The following DET1 variants were observed in gnomAD, a reference collection of about 807,000 sequenced individuals.
DET1 encodes DET1 partner of COP1 E3 ubiquitin ligase, also known as DET1 homolog.
DET1 carries 22 observed loss-of-function variants against 43.7 expected under a neutral mutation model. The observed-to-expected ratio is 0.50, with a 90% confidence interval of 0.36 to 0.72. DET1 has a LOEUF of 0.72. Among genes scored for constraint, DET1 ranks in the 30% least tolerant of loss-of-function variants. The pLI is 0.00. For synonymous variants in DET1, 315 were observed against 266.2 expected (o/e 1.18, Z -1.79); for missense variants, 713 against 713.3 (o/e 1.00, Z 0.00).
chr15:88,505,801 T>C (rs2056133996), intron 7 of DET1: 1 of 152,226 alleles, frequency 6.6e-6, no homozygotes, highest in Non-Finnish European at 1.5e-5. Flanking sequence ...AAGCTTTTAA[T>C]AAATGTTAGC....
intron 1 of DET1, among the ~76,000 whole-genome samples, chr15:88,545,703 C>G (rs2057235172): frequency 6.7e-6 from 1 of 150,136 alleles, no homozygotes. Context: ...TTTGATTCCC[C>G]AAAAACACAA....
intron 3 of DET1, among the ~76,000 whole-genome samples, chr15:88,523,535 CCCTG>C (rs1292154045): frequency 6.6e-6 from 1 of 152,186 alleles, no homozygotes; most frequent in African/African-American, 2.4e-5. Flanking sequence ...ACTGCAACCT[CCCTG>C]CCTGATTCTC....
In DET1 at chr15:88,512,536, T is replaced by C. The variant is rs1251328612; in HGVS notation, c.*415A>G. On this transcript the variant is annotated 3_prime_UTR_variant, in exon 5 of 5. Transcript: ENST00000268148. Reference sequence around the variant, plus strand: ...TCTCTTAAAAAGATAGCCGTGCTTATGAGCTAAATGGAAAGGATGTATGTC... The same window carrying C: ...TCTCTTAAAAAGATAGCCGTGCTTACGAGCTAAATGGAAAGGATGTATGTC... 5.1e-6 allele frequency: 5 copies of C among 989,568 alleles called. No individual in the cohort carries two copies. The highest frequency in any genetic ancestry group is 1.7e-5 in the African/African-American group (1 of 57,404). 61.3% of individuals were successfully genotyped at this position (989,568 alleles called of 1,614,324 possible). A position where few individuals can be genotyped will look rare whatever the true frequency, so the allele number is the denominator to read the frequency against.
At chr15:88,542,399 C>T (rs545684629) in intron 1 of DET1, among the ~76,000 whole-genome samples, 3 of 152,258 alleles carry the variant, frequency 2.0e-5, no homozygotes, top group South Asian at 2.1e-4. Flanking sequence ...TTGTCTAAGA[C>T]AACTGAAGTT....
At chr15:88,544,166 G>A (rs2057185342) in intron 1 of DET1, among the ~76,000 whole-genome samples, 1 of 152,152 alleles carries the variant, frequency 6.6e-6, no homozygotes, top group African/African-American at 2.4e-5. Context: ...TAGCTCAGTG[G>A]GTCAGTTAGG....
intron 1 of DET1, among the ~76,000 whole-genome samples, chr15:88,533,328 T>C (rs370884362): frequency 2.4e-4 from 37 of 152,332 alleles, no homozygotes; most frequent in African/African-American, 8.4e-4. Flanking sequence ...CCCTTGTGCA[T>C]TGTTGGTGGA....
intron 2 of DET1, among the ~76,000 whole-genome samples, chr15:88,529,488 C>T (rs533269508): frequency 6.6e-6 from 1 of 152,292 alleles, no homozygotes; most frequent in South Asian, 2.1e-4. Flanking sequence ...AAAAAATCCA[C>T]AACAAATGAT....
chr15:88,522,585 T>C (rs1425356102), intron 3 of DET1, among the ~76,000 whole-genome samples: 8 of 136,948 alleles, frequency 5.8e-5, no homozygotes, highest in African/African-American at 2.2e-4. Flanking sequence ...TTCGGCTCAC[T>C]GCAAGCTCCG....
At chr15:88,533,579 C>A (rs2056872244) in intron 1 of DET1, among the ~76,000 whole-genome samples, 1 of 152,034 alleles carries the variant, frequency 6.6e-6, no homozygotes, top group South Asian at 2.1e-4. Context: ...GGTATATACA[C>A]ACAAAGGAAT....
chr15:88,503,190 G>C (rs769036491), intron 8 of DET1: 1 of 152,160 alleles, frequency 6.6e-6, no homozygotes, highest in Non-Finnish European at 1.5e-5. Context: ...CTTAAGTCTG[G>C]GAGGCGGCGG....
rs760179982 is a variant in DET1, at chr15:88,531,431, G to C, written c.275C>G (p.Ala92Gly). The change falls in exon 2 of 5, where the codon GCA (alanine) becomes GGA (glycine). Residue 92 changes from alanine to glycine, a missense_variant. Ala to Gly is a moderately conservative substitution (Grantham distance 60). Coordinates refer to ENST00000268148, the MANE Select transcript of DET1 (RefSeq NM_001144074.3). This position sits in a 1 kb window ranked among gnomAD's most constrained non-coding sequence, Gnocchi z 6.2. ...GTATCCCTGCAGTAGGTCCTCTGCTGCCTGGCAGCCCTGGTACTCATAGAT... is the reference window on the plus strand; with the variant it reads ...GTATCCCTGCAGTAGGTCCTCTGCTCCCTGGCAGCCCTGGTACTCATAGAT... ...LEIYEYQGCQ[A>G]AEDLLQGYEG... The C allele has an allele frequency of 6.2e-7, 1 of 1,613,916 alleles. No individual in the cohort carries two copies. The highest frequency in any genetic ancestry group is 1.3e-5 in the African/African-American group (1 of 74,932).
At chr15:88,534,769 T>G (rs894154922) in intron 1 of DET1, among the ~76,000 whole-genome samples, 23 of 152,206 alleles carry the variant, frequency 1.5e-4, no homozygotes, top group Non-Finnish European at 2.2e-4. Context: ...AACCATAGCC[T>G]AAAGAGAGTT....
At chr15:88,535,899 A>G (rs2056937129) in intron 1 of DET1, among the ~76,000 whole-genome samples, 1 of 152,122 alleles carries the variant, frequency 6.6e-6, no homozygotes, top group Admixed American at 6.6e-5. Context: ...AAAGATATAA[A>G]CTCCAATTCA....
chr15:88,541,944 A>G (rs2057119060), intron 1 of DET1, among the ~76,000 whole-genome samples: 1 of 152,176 alleles, frequency 6.6e-6, no homozygotes, highest in Non-Finnish European at 1.5e-5. Context: ...GGGAGGAAGC[A>G]GCCCCTCTAC....
At chr15:88,536,380 AC>A in intron 1 of DET1, 1 of 771,432 alleles carries the variant, frequency 1.3e-6, no homozygotes, top group Non-Finnish European at 2.4e-6. Context: ...TATTCCCAGC[AC>A]CTAGGAGAAG....
intron 1 of DET1, among the ~76,000 whole-genome samples, chr15:88,540,273 C>T (rs900114655): frequency 1.3e-5 from 2 of 152,156 alleles, no homozygotes; most frequent in Non-Finnish European, 2.9e-5. Flanking sequence ...AGACCTCAGG[C>T]TGGCCTCTAG....
rs55764530 is a variant in DET1 at position 88,522,512 on chromosome 15, G to GTTT, written c.1271+5084_1271+5086dup. ...TCTCATTGTTCTAGGAATGTTCCTG[G>GTTT]TTTTTTTTTTTTTTTGAGTTGGAGT... On this transcript the variant is annotated intron_variant, in intron 3 of 4. Transcript: ENST00000268148. Among the ~76,000 whole-genome samples the GTTT allele has an allele frequency of 8.7e-5, 7 of 80,258 alleles. 1 individual carries two copies. The highest frequency in any genetic ancestry group is 1.6e-4 in the Non-Finnish European group (7 of 43,942). The allele number at this position is 80,258 out of a possible 152,430, so 52.7% of individuals were successfully genotyped here. A position where few individuals can be genotyped will look rare whatever the true frequency, so the allele number is the denominator to read the frequency against.
intron 7 of DET1, among the ~76,000 whole-genome samples, chr15:88,507,280 A>C (rs1402023262): frequency 6.6e-6 from 1 of 152,204 alleles, no homozygotes; most frequent in Non-Finnish European, 1.5e-5. Flanking sequence ...CCATGACTTA[A>C]AACATCCTCA....
At chr15:88,524,887 C>T (rs558734101) in intron 3 of DET1, among the ~76,000 whole-genome samples, 364 of 152,258 alleles carry the variant, frequency 2.4e-3, no homozygotes, top group African/African-American at 8.4e-3. Flanking sequence ...CTTCCCTCCA[C>T]TATTGTCCTA....
Sources: allele counts gnomAD v4.1 joint callset (sites outside exome capture counted in the v4.1 genomes callset), GRCh38; gene constraint gnomAD v4.1.1; non-coding constraint Gnocchi (gnomAD v3.1); transcripts MANE v1.5; gene names NCBI Gene and HGNC (gene_info 2026-07-23, HGNC 2026-07-21).